The following KIAA1755 variants were observed in gnomAD, a reference collection of about 807,000 sequenced individuals.
KIAA1755 encodes uncharacterized protein KIAA1755.
A neutral mutation model predicts 91.7 loss-of-function variants in KIAA1755; 68 were observed. That is an observed-to-expected ratio of 0.74 (90% CI 0.61 to 0.91). The LOEUF (loss-of-function observed/expected upper bound fraction) is 0.91, where lower values mean the gene tolerates loss of function less well. KIAA1755 is among the 40% of genes least tolerant of loss of function. The probability of loss-of-function intolerance (pLI) is 0.00; values close to 1 mark genes in which losing one functional copy is unlikely to be tolerated. For synonymous variants in KIAA1755, 610 were observed against 604.6 expected, an observed-to-expected ratio of 1.01 and a Z score of -0.13; for missense variants, 1,535 against 1,494.4, an observed-to-expected ratio of 1.03 and a Z score of -0.45.
At position 38,241,748 on chromosome 20, in the gene KIAA1755, A is replaced by G. The variant is rs140460344; in HGVS notation, c.383T>C (p.Leu128Pro). 13 of 1,614,212 alleles carry G rather than the reference A, an allele frequency of 8.1e-6. No homozygotes were observed. The African/African-American group carries it at 1.1e-4, about 13-fold the overall frequency. Residue 128 changes from leucine (L) to proline (P), a missense_variant, in exon 3 of 14, where the codon CTC becomes CCC. Leu to Pro is a moderately conservative substitution (Grantham distance 98, BLOSUM62 -3). Coordinates refer to ENST00000279024, the MANE Select transcript of KIAA1755 (RefSeq NM_001029864.2). ...AACAGGCTTCTTGTCCACTGTGCAG[A>G]GGTCCAGGGAGAGGCATTTGATCAT... ...CIMIKCLSLD[L>P]CTVDKKPVPE...
rs909583409 is a variant in KIAA1755 at position 38,217,337 on chromosome 20, A to G, written c.2817T>C (p.Ala939=). ...AFASTQRAFQ[A]ELTHFYMAAE... ...CCGCCATGTAAAAGTGGGTCAGCTC[A>G]GCCTGGAAGGCCCGCTGGGTAGAGG... The change falls in exon 13 of 14, where the codon GCT becomes GCC. Residue 939 remains alanine, a synonymous_variant. Transcript: ENST00000279024. The G allele has an allele frequency of 1.2e-6, 2 of 1,612,598 alleles. No homozygotes were observed. The highest frequency in any genetic ancestry group is 1.7e-6 in the Non-Finnish European group (2 of 1,179,506).
intron 13 of KIAA1755, among the ~76,000 whole-genome samples, chr20:38,215,037 G>A (rs1033399725): frequency 6.6e-6 from 1 of 152,178 alleles, no homozygotes; most frequent in Non-Finnish European, 1.5e-5. Flanking sequence ...TATTATTTAG[G>A]ACCAAAGCTG....
rs553563331 is a variant in KIAA1755 at position 38,230,820 on chromosome 20, G to A, written c.1871+382C>T. 1.2e-4 allele frequency among the ~76,000 whole-genome samples: 18 copies of A among 151,994 alleles called. No homozygotes were observed. In the South Asian group the frequency reaches 2.9e-3, roughly 25 times the overall value. ...GGAGAATCGCTTGAACCCGGGAGGC[G>A]GAGATTGCAGTGAGCTGAGATTGCA... On this transcript the variant is annotated intron_variant, in intron 5 of 13. Transcript: ENST00000279024.
chr20:38,249,895 C>T (rs1173974964), intron 1 of KIAA1755, among the ~76,000 whole-genome samples: 1 of 152,156 alleles, frequency 6.6e-6, no homozygotes, highest in Non-Finnish European at 1.5e-5. Flanking sequence ...TCCCCACTCC[C>T]TCCCTCCTCT....
In KIAA1755 at chr20:38,213,493, G is replaced by A; in HGVS notation, c.3152C>T (p.Ala1051Val). 3 of 1,606,366 alleles carry A rather than the reference G, an allele frequency of 1.9e-6. No individual in the cohort carries two copies. The highest frequency in any genetic ancestry group is 1.7e-5 in the Admixed American group (1 of 59,062). Reference sequence around the variant, plus strand: ...CTCTGGGCAAGAGCTGTGGGTCAGTGCCTTCTCCAGGAGCATCCGGATCTC... The same window carrying A: ...CTCTGGGCAAGAGCTGTGGGTCAGTACCTTCTCCAGGAGCATCCGGATCTC... ...HEEIRMLLEK[A>V]LTHSSCPEAP... The change falls in exon 14 of 14, where the codon GCA becomes GTA. Residue 1051 changes from alanine to valine, a missense_variant. Physicochemically the swap from Ala to Val is moderately conservative, Grantham distance 64. Coordinates refer to ENST00000279024, the MANE Select transcript of KIAA1755 (RefSeq NM_001029864.2).
At chr20:38,249,941 C>T (rs895400579) in intron 1 of KIAA1755, among the ~76,000 whole-genome samples, 3 of 152,178 alleles carry the variant, frequency 2.0e-5, no homozygotes, top group Non-Finnish European at 2.9e-5. Context: ...TCTGTTGAGA[C>T]GTTGGCTCCA....
chr20:38,227,216 C>A lies in KIAA1755; in HGVS notation c.1990G>T (p.Ala664Ser), dbSNP rs950407888. The A allele has an allele frequency of 1.2e-6, 2 of 1,613,902 alleles. No homozygotes were observed. Among genetic ancestry groups the A allele is most frequent in the Non-Finnish European group, 1.7e-6 (2 of 1,179,886 alleles). Residue 664 changes from alanine (A) to serine (S), a missense_variant, in exon 7 of 14, where the codon GCT becomes TCT. Transcript: ENST00000279024. ...TCCTTCTCCCCCAGGAAGAGAATAG[C>A]CCGGATAGAGGCTGGGACCTGAGCC... ...TQAQVPASIR[A>S]ILFLGEKEAA...
intron 1 of KIAA1755, among the ~76,000 whole-genome samples, chr20:38,249,393 A>G (rs1291246002): frequency 6.6e-6 from 1 of 152,182 alleles, no homozygotes; most frequent in Admixed American, 6.5e-5. Context: ...AGGAGGGAAA[A>G]ATCATTTTAG....
intron 12 of KIAA1755, 194 bp from the exon 13 acceptor site, chr20:38,217,668 A>G: frequency 1.7e-6 from 1 of 595,036 alleles, no homozygotes; most frequent in Non-Finnish European, 3.0e-6. Context: ...TGAACAATTA[A>G]GAGCAGTTAT....
At chr20:38,239,490 C>T (rs2076014848) in intron 4 of KIAA1755, 38 bp downstream of exon 4, 2 of 1,603,440 alleles carry the variant, frequency 1.2e-6, no homozygotes, top group Non-Finnish European at 1.7e-6. Flanking sequence ...GGGCCCCCAG[C>T]TCCCTCCCTA....
Position 38,241,387 on chromosome 20 carries a change from G to A in KIAA1755, c.744C>T (p.Leu248=), listed in dbSNP as rs763600449. 6.2e-7 allele frequency: 1 copy of A among 1,614,220 alleles called. No individual in the cohort carries two copies. Among genetic ancestry groups the A allele is most frequent in the Middle Eastern group, 1.6e-4 (1 of 6,062 alleles). The stretch of plus-strand genomic sequence containing the variant: ...CACACCGGGCTTGCTCCACCTTGAT[G>A]AGTCCTGGATACTTGCTCCCATATG... The part of the protein sequence containing the change: ...GRTYGSKYPG[L]IKVEQARCGE... Residue 248 remains leucine (L), a synonymous_variant, in exon 3 of 14, where the codon CTC becomes CTT. Transcript: ENST00000279024.
In KIAA1755 at chr20:38,217,399, C is replaced by T; in HGVS notation, c.2755G>A (p.Ala919Thr). Residue 919 changes from alanine (A) to threonine (T), a missense_variant, in exon 13 of 14, where the codon GCA becomes ACA. By Grantham distance (58) the Ala-to-Thr change is moderately conservative. Transcript: ENST00000279024. ...LGATARGAGEAERAEFPELAA... is the reference protein window; with the variant it reads ...LGATARGAGETERAEFPELAA... ...AGCTCTGGGAACTCTGCACGTTCTG[C>T]CTCCCCAGCCCCTCTGGCTGTAGCT... The T allele has an allele frequency of 6.2e-7, 1 of 1,613,338 alleles. No individual in the cohort carries two copies. The highest frequency in any genetic ancestry group is 8.5e-7 in the Non-Finnish European group (1 of 1,179,728).
chr20:38,220,377 C>A lies in KIAA1755; in HGVS notation c.2418-609G>T, dbSNP rs560249153. Among the ~76,000 whole-genome samples, 4 of 150,278 alleles carry A rather than the reference C, an allele frequency of 2.7e-5. No individual in the cohort carries two copies. In the South Asian group the frequency reaches 8.4e-4, roughly 32 times the overall value. On this transcript the variant is annotated intron_variant, in intron 10 of 13. Transcript: ENST00000279024. ...TCACCCAGGCTAGAGTGCAGTGGCG[C>A]GATCTCCATTCACTGCAACCTCTGC...
chr20:38,254,638 A>C lies in KIAA1755; in HGVS notation c.3+5860T>G, dbSNP rs2076308211. 2.0e-5 allele frequency among the ~76,000 whole-genome samples: 3 copies of C among 151,676 alleles called. No homozygotes were observed. In the South Asian group the frequency reaches 6.2e-4, roughly 32 times the overall value. ...GCCTGTCTCTATAAAAAATAGGAAAACTTAGCCAGGCATGGTAGCTCATGG... is the reference window on the plus strand; with the variant it reads ...GCCTGTCTCTATAAAAAATAGGAAACCTTAGCCAGGCATGGTAGCTCATGG... On this transcript the variant is annotated intron_variant, in intron 1 of 13. Coordinates refer to ENST00000279024, the MANE Select transcript of KIAA1755 (RefSeq NM_001029864.2).
At chr20:38,219,887 T>G in intron 10 of KIAA1755, 119 bp from the exon 11 acceptor site, 1 of 1,332,514 alleles carries the variant, frequency 7.5e-7, no homozygotes, top group Non-Finnish European at 1.0e-6. Flanking sequence ...TCCAGCTAAC[T>G]TGCTGTGTGA....
rs1294986006 is a variant in KIAA1755, at chr20:38,213,589, AG to A, written c.3055del (p.Leu1019CysfsTer6). 2 of 1,608,544 alleles carry A rather than the reference AG, an allele frequency of 1.2e-6. No individual in the cohort carries two copies. Among genetic ancestry groups the A allele is most frequent in the Non-Finnish European group, 1.7e-6 (2 of 1,177,300 alleles). ...FPAEKLAAVG[L>X]QVASLSRAGL... ...TGCCCGGCTCAGGGAGGCCACCTGC[AG>A]CCCCACGGCTGCGAGCTTCTCAGCA... On this transcript the variant is annotated frameshift_variant, in exon 14 of 14. Coordinates refer to ENST00000279024, the MANE Select transcript of KIAA1755 (RefSeq NM_001029864.2). LOFTEE classifies it low-confidence loss of function (END_TRUNC).
chr20:38,229,181 G>A (rs530615610), intron 5 of KIAA1755, among the ~76,000 whole-genome samples: 22 of 152,332 alleles, frequency 1.4e-4, no homozygotes, highest in Non-Finnish European at 2.9e-5. Context: ...TGGCCCAGTG[G>A]GAGGGTAGAG....
At chr20:38,215,728 G>GGGCTGAAATT (rs1156282494) in intron 13 of KIAA1755, among the ~76,000 whole-genome samples, 1 of 152,186 alleles carries the variant, frequency 6.6e-6, no homozygotes. Flanking sequence ...AAGGCCAGTG[G>GGGCTGAAATT]GGCTGAAATT....
intron 9 of KIAA1755, 34 bp downstream of exon 9, chr20:38,223,504 T>G (rs1423664855): frequency 1.3e-6 from 2 of 1,486,804 alleles, no homozygotes; most frequent in African/African-American, 1.4e-5. Flanking sequence ...TGGGGTGTGA[T>G]GTAGCTTCCC....
Sources: gnomAD v4.1 joint callset for allele counts (sites outside exome capture counted in the v4.1 genomes callset) on GRCh38, gnomAD v4.1.1 for gene constraint, MANE v1.5 for transcripts, NCBI Gene and HGNC (gene_info 2026-07-23, HGNC 2026-07-21) for gene names.